Variants in OPTC observed in about 807,000 individuals in gnomAD.
OPTC encodes oculoglycan.
Under a neutral mutation model 25.4 loss-of-function variants are expected in OPTC, and 22 were observed. That is an observed-to-expected ratio of 0.87 (90% CI 0.62 to 1.24). The LOEUF is 1.24. Ranked by LOEUF, OPTC falls within the 50% of genes most tolerant of loss-of-function variation. The pLI is 0.00. For missense variants in OPTC, 417 were observed against 425.2 expected, an observed-to-expected ratio of 0.98 and a Z score of 0.17; for synonymous variants, 169 against 179.3, an observed-to-expected ratio of 0.94 and a Z score of 0.46.
intron 7 of OPTC, among the ~76,000 whole-genome samples, chr1:203,507,791 G>A (rs1299098806): frequency 1.3e-5 from 2 of 150,258 alleles, no homozygotes; most frequent in Non-Finnish European, 3.0e-5. Flanking sequence ...AGGGCCAGAG[G>A]AGGCTCGTGG....
At chr1:203,497,688 C>T (rs538835452) in intron 3 of OPTC, among the ~76,000 whole-genome samples, 22 of 152,228 alleles carry the variant, frequency 1.4e-4, no homozygotes, top group Admixed American at 5.2e-4. Flanking sequence ...CCTGCTTGCC[C>T]GCGGTTTCCC....
chr1:203,501,588 ATTCCTATT>A (rs1188781685), intron 5 of OPTC, among the ~76,000 whole-genome samples: 1 of 152,176 alleles, frequency 6.6e-6, no homozygotes, highest in Non-Finnish European at 1.5e-5. Flanking sequence ...ACGCAATCTA[ATTCCTATT>A]TAGAAGCATC....
intron 1 of OPTC, among the ~76,000 whole-genome samples, 199 bp downstream of exon 1, chr1:203,494,416 T>C (rs1661245782): frequency 6.6e-6 from 1 of 152,138 alleles, no homozygotes; most frequent in South Asian, 2.1e-4. Flanking sequence ...GGGTGAGGTA[T>C]GGGAGGTAAG....
chr1:203,505,922 C>T (rs1159738160), intron 7 of OPTC, among the ~76,000 whole-genome samples: 1 of 150,462 alleles, frequency 6.6e-6, no homozygotes, highest in Non-Finnish European at 1.5e-5. Context: ...CGGAATCTCT[C>T]TCTCTGTGTG....
At chr1:203,506,140 ATTTTCTT>A (rs1379246614) in intron 7 of OPTC, among the ~76,000 whole-genome samples, 23 of 136,336 alleles carry the variant, frequency 1.7e-4, no homozygotes, top group African/African-American at 2.6e-4. Context: ...GAGGAATCCA[ATTTTCTT>A]TTTTCTTTTT....
chr1:203,496,825 T>A (rs924724581), intron 2 of OPTC, 152 bp from the exon 3 acceptor site: 4 of 802,248 alleles, frequency 5.0e-6, no homozygotes, highest in African/African-American at 3.4e-5. Flanking sequence ...TCAGGTCCCC[T>A]TTTTGCACAG....
intron 4 of OPTC, among the ~76,000 whole-genome samples, chr1:203,499,438 T>G (rs1346262167): frequency 6.6e-6 from 1 of 151,940 alleles, no homozygotes; most frequent in Admixed American, 6.6e-5. Context: ...AGGACAAAAC[T>G]CCAGGGAGGG....
chr1:203,501,609 A>T (rs986074048), intron 5 of OPTC, among the ~76,000 whole-genome samples: 3 of 152,336 alleles, frequency 2.0e-5, no homozygotes, highest in East Asian at 3.9e-4. Context: ...GAAGCATCAA[A>T]TAAACCAAAT....
chr1:203,496,895 A>G (rs1233793622), intron 2 of OPTC, 82 bp from the exon 3 acceptor site: 7 of 1,451,370 alleles, frequency 4.8e-6, no homozygotes, highest in Non-Finnish European at 9.7e-7. Context: ...TTTGAAATCC[A>G]TCACTGAGGT....
At chr1:203,506,227 C>T (rs1384066498) in intron 7 of OPTC, among the ~76,000 whole-genome samples, 1 of 150,090 alleles carries the variant, frequency 6.7e-6, no homozygotes, top group Non-Finnish European at 1.5e-5. Context: ...TCTTGGCTCA[C>T]CACAACCTCT....
intron 5 of OPTC, among the ~76,000 whole-genome samples, chr1:203,500,977 G>A (rs779045188): frequency 7.2e-5 from 11 of 152,158 alleles, no homozygotes; most frequent in African/African-American, 1.7e-4. Flanking sequence ...AAACATACAC[G>A]TGAGTTTGGC....
intron 7 of OPTC, among the ~76,000 whole-genome samples, chr1:203,506,386 G>A (rs1661488262): frequency 6.6e-6 from 1 of 151,842 alleles, no homozygotes; most frequent in Admixed American, 6.6e-5. Context: ...CCTGACCTCG[G>A]GTGATCTGCC....
At chr1:203,505,028 G>C (rs1571602493) in intron 7 of OPTC, among the ~76,000 whole-genome samples, 1 of 152,292 alleles carries the variant, frequency 6.6e-6, no homozygotes, top group Middle Eastern at 3.4e-3. Flanking sequence ...CCCTTCTCCT[G>C]ACCGTTATAA....
At position 203,496,051 on chromosome 1, in the gene OPTC, G is replaced by A. The variant is rs1271135703; in HGVS notation, c.46G>A (p.Glu16Lys). ...GAGTCTGCTGGCCTTGGTGCTGCAG[G>A]AGACAGGGACAGCTTCTCTCCCAAG... is the stretch of plus-strand genomic sequence containing the variant. ...FLSLLALVLQ[E>K]TGTASLPRKE... is the part of the protein sequence containing the mutation. The change falls in exon 2 of 8, where the codon GAG (glutamate) becomes AAG (lysine). Residue 16 changes from glutamate to lysine, a missense_variant. Glu to Lys is a moderately conservative substitution (Grantham distance 56). Transcript: ENST00000367222. 8.7e-6 allele frequency: 14 copies of A among 1,613,978 alleles called. No individual in the cohort carries two copies. Among genetic ancestry groups the A allele is most frequent in the Non-Finnish European group, 1.2e-5 (14 of 1,179,962 alleles).
At chr1:203,500,809 A>G (rs1239232394) in intron 5 of OPTC, among the ~76,000 whole-genome samples, 1 of 152,152 alleles carries the variant, frequency 6.6e-6, no homozygotes, top group Admixed American at 6.5e-5. Context: ...GGGATACTCA[A>G]CCTGTACTGG....
At chr1:203,496,270 C>T (rs1028558100) in intron 2 of OPTC, 34 bp downstream of exon 2, 1 of 1,477,586 alleles carries the variant, frequency 6.8e-7, no homozygotes, top group Admixed American at 1.7e-5. Context: ...ACATTCCCTG[C>T]ATGACACTGG....
chr1:203,499,882 C>T, intron 5 of OPTC, 31 bp downstream of exon 5: 1 of 1,565,968 alleles, frequency 6.4e-7, no homozygotes, highest in Non-Finnish European at 8.7e-7. Flanking sequence ...CACTATCTAT[C>T]ACCTCCACCA....
At chr1:203,503,512 C>T (rs377084615) in intron 6 of OPTC, 38 bp from the exon 7 acceptor site, 2 of 1,605,630 alleles carry the variant, frequency 1.2e-6, no homozygotes, top group African/African-American at 1.3e-5. Context: ...AGGGGCAGAG[C>T]CTCTTGGTGA....
At chr1:203,505,348 C>T (rs78025638) in intron 7 of OPTC, among the ~76,000 whole-genome samples, 123 of 152,300 alleles carry the variant, frequency 8.1e-4, no homozygotes, top group African/African-American at 2.8e-3. Flanking sequence ...GAGGACCCAA[C>T]TTAGGGGTCC....
Sources: allele counts gnomAD v4.1 joint callset (sites outside exome capture counted in the v4.1 genomes callset), GRCh38; gene constraint gnomAD v4.1.1; transcripts MANE v1.5; gene names NCBI Gene and HGNC (gene_info 2026-07-23, HGNC 2026-07-21).